SUN5: variants seen among roughly 807,000 people sequenced by gnomAD.
SUN5 encodes Sad1 and UNC84 domain containing 5.
A neutral mutation model predicts 53.7 loss-of-function variants in SUN5; 44 were observed. That is an observed-to-expected ratio of 0.82 (90% CI 0.64 to 1.05). The LOEUF (loss-of-function observed/expected upper bound fraction) is 1.05, where lower values mean the gene tolerates loss of function less well. Ranked by LOEUF, SUN5 falls within the 50% of genes least tolerant of loss-of-function variation. The pLI is 0.00. For missense variants in SUN5, 433 were observed against 483.8 expected, an observed-to-expected ratio of 0.90 and a Z score of 0.98; for synonymous variants, 166 against 179.8, an observed-to-expected ratio of 0.92 and a Z score of 0.62.
chr20:32,989,092 AT>A (rs1295465216), intron 9 of SUN5, among the ~76,000 whole-genome samples: 3 of 151,510 alleles, frequency 2.0e-5, no homozygotes, highest in African/African-American at 4.9e-5. Flanking sequence ...CGCTCAGCTA[AT>A]TTTTTGTATT....
chr20:32,996,270 G>T, intron 7 of SUN5, 54 bp downstream of exon 7: 2 of 1,583,504 alleles, frequency 1.3e-6, no homozygotes, highest in Admixed American at 1.7e-5. Flanking sequence ...CCAGATTCTG[G>T]CTATAGCTCT....
chr20:32,987,658 G>C lies in SUN5; in HGVS notation c.729+2C>G. ...TGTCCCATCTCCCGCCATCCCCCCT[G>C]CCTCAAGGATCACGTCTGGGGGCTG... On this transcript the variant is annotated splice_donor_variant, in intron 10 of 12. Coordinates refer to ENST00000356173, the MANE Select transcript of SUN5 (RefSeq NM_080675.4). LOFTEE classifies it high-confidence loss of function. 1 of 1,600,104 alleles carries C rather than the reference G, an allele frequency of 6.2e-7. No individual in the cohort carries two copies. Among genetic ancestry groups the C allele is most frequent in the Non-Finnish European group, 8.5e-7 (1 of 1,173,530 alleles).
At chr20:33,002,552 T>C in intron 3 of SUN5, 35 bp downstream of exon 3, 1 of 1,609,294 alleles carries the variant, frequency 6.2e-7, no homozygotes, top group East Asian at 2.2e-5. Context: ...CAGACCCATA[T>C]TGATGACGAA....
chr20:33,001,186 A>C, intron 4 of SUN5, 26 bp downstream of exon 4: 1 of 1,559,572 alleles, frequency 6.4e-7, no homozygotes, highest in South Asian at 1.2e-5. Context: ...CTCCCCATCC[A>C]CCCTCCCCCT....
At chr20:32,995,563 C>A in intron 8 of SUN5, 56 bp downstream of exon 8, 1 of 1,475,344 alleles carries the variant, frequency 6.8e-7, no homozygotes, top group Non-Finnish European at 9.5e-7. Flanking sequence ...GTATAGGAAA[C>A]AGGACATCAA....
chr20:32,998,852 C>CA lies in SUN5; in HGVS notation c.341-1166dup, dbSNP rs141684056. ...GCAACACAACAAGACTCAATCTCTCCAAAAAAAAAAAAATTTAAACAAAAA... is the reference window on the plus strand; with the variant it reads ...GCAACACAACAAGACTCAATCTCTCCAAAAAAAAAAAAAATTTAAACAAAAA... On this transcript the variant is annotated intron_variant, in intron 5 of 12. Transcript: ENST00000356173. Among the ~76,000 whole-genome samples the CA allele has an allele frequency of 2.4e-3, 337 of 141,584 alleles. 1 individual carries two copies. Among genetic ancestry groups the CA allele is most frequent in the South Asian group, 4.3e-3 (19 of 4,470 alleles). 92.9% of individuals were successfully genotyped at this position (141,584 alleles called of 152,430 possible). A position where few individuals can be genotyped will look rare whatever the true frequency, so the allele number is the denominator to read the frequency against.
At chr20:32,987,880 G>A in intron 9 of SUN5, 105 bp from the exon 10 acceptor site, 1 of 784,842 alleles carries the variant, frequency 1.3e-6, no homozygotes, top group Non-Finnish European at 2.1e-6. Context: ...TTTTGGATGA[G>A]TCACTGGCCC....
intron 9 of SUN5, 63 bp from the exon 10 acceptor site, chr20:32,987,838 C>A: frequency 7.6e-7 from 1 of 1,313,124 alleles, no homozygotes; most frequent in South Asian, 1.3e-5. Flanking sequence ...GGGGACGCCA[C>A]TGATGGGCCC....
chr20:33,001,944 G>A (rs889432322), intron 3 of SUN5, among the ~76,000 whole-genome samples: 4 of 152,144 alleles, frequency 2.6e-5, no homozygotes, highest in Admixed American at 6.5e-5. Context: ...GAGCCACTGC[G>A]CTTGGCCAAT....
chr20:32,995,850 C>A (rs1989833665), intron 7 of SUN5, 123 bp from the exon 8 acceptor site: 5 of 836,958 alleles, frequency 6.0e-6, no homozygotes. Flanking sequence ...ATCTCTTGGG[C>A]CCATCCCTGG....
chr20:32,987,571 C>A, intron 10 of SUN5, 89 bp downstream of exon 10: 1 of 1,079,824 alleles, frequency 9.3e-7, no homozygotes. Flanking sequence ...CCTTTGCTCC[C>A]ACCCCCTACC....
Position 32,985,780 on chromosome 20 carries a change from A to T in SUN5, c.853T>A (p.Leu285Met). The change falls in exon 11 of 13, where the codon TTG (leucine) becomes ATG (methionine). Residue 285 changes from leucine to methionine, a missense_variant. Leu to Met is a conservative substitution (Grantham distance 15). Transcript: ENST00000356173. Reference sequence around the variant, plus strand: ...GGGGCGGTGTCCAGGCTGCCTGACAATGAGATGGTCTTGGGGATGTGCTGC... The same window carrying T: ...GGGGCGGTGTCCAGGCTGCCTGACATTGAGATGGTCTTGGGGATGTGCTGC... ...TLQHIPKTIS[L>M]SGSLDTAPKD... The T allele has an allele frequency of 6.2e-7, 1 of 1,614,094 alleles. No individual in the cohort carries two copies. Among genetic ancestry groups the T allele is most frequent in the Non-Finnish European group, 8.5e-7 (1 of 1,179,970 alleles).
Position 33,004,244 on chromosome 20 carries a change from G to A in SUN5, c.77+20C>T, listed in dbSNP as rs1478057481. ...GTAAACTGTAAAGGGCTGGGCAAAGGGAGGGGCTGCCATCCTCACCTCCGG... is the reference window on the plus strand; with the variant it reads ...GTAAACTGTAAAGGGCTGGGCAAAGAGAGGGGCTGCCATCCTCACCTCCGG... On this transcript the variant is annotated intron_variant, in intron 1 of 12. Coordinates refer to ENST00000356173, the MANE Select transcript of SUN5 (RefSeq NM_080675.4). The A allele has an allele frequency of 3.9e-6, 6 of 1,548,654 alleles. No homozygotes were observed. The highest frequency in any genetic ancestry group is 5.2e-6 in the Non-Finnish European group (6 of 1,146,418).
At chr20:33,001,630 T>C (rs1407461027) in intron 3 of SUN5, among the ~76,000 whole-genome samples, 24 of 135,682 alleles carry the variant, frequency 1.8e-4, no homozygotes, top group South Asian at 1.2e-3. Context: ...TTTTCTTTTC[T>C]TTCTTTCTTT....
intron 8 of SUN5, among the ~76,000 whole-genome samples, chr20:32,991,161 G>T (rs191566492): frequency 6.6e-6 from 1 of 152,274 alleles, no homozygotes; most frequent in East Asian, 1.9e-4. Context: ...CTGCCCCAAG[G>T]CTGAGTGCAG....
intron 4 of SUN5, among the ~76,000 whole-genome samples, chr20:33,000,537 C>T (rs1323490689): frequency 6.6e-6 from 1 of 152,196 alleles, no homozygotes; most frequent in East Asian, 1.9e-4. Flanking sequence ...AAGAATGGGG[C>T]AGGCCCTCCA....
chr20:32,995,130 G>T (rs1366323183), intron 8 of SUN5, among the ~76,000 whole-genome samples: 2 of 152,186 alleles, frequency 1.3e-5, no homozygotes, highest in Non-Finnish European at 2.9e-5. Flanking sequence ...AATATTTTAA[G>T]AGATAAAAGG....
rs370382108 is a variant in SUN5 at position 33,001,285 on chromosome 20, G to A, written c.212-7C>T. On this transcript the variant is annotated splice_polypyrimidine_tract_variant and splice_region_variant and intron_variant, in intron 3 of 12. Transcript: ENST00000356173. The stretch of plus-strand genomic sequence containing the variant: ...GCAAAACAGGTGAACCAGGCTGCAC[G>A]GGAGACAGAAAAGCAGTGACTCACT... 2.5e-5 allele frequency: 39 copies of A among 1,569,496 alleles called. No individual in the cohort carries two copies. The highest frequency in any genetic ancestry group is 3.7e-5 in the Admixed American group (2 of 54,670).
chr20:32,991,019 T>C (rs563637741), intron 8 of SUN5, among the ~76,000 whole-genome samples: 1 of 152,286 alleles, frequency 6.6e-6, no homozygotes, highest in East Asian at 1.9e-4. Context: ...CTGCCTGAGG[T>C]TACACAGCTC....
Sources: gnomAD v4.1 joint callset for allele counts (sites outside exome capture counted in the v4.1 genomes callset) on GRCh38, gnomAD v4.1.1 for gene constraint, MANE v1.5 for transcripts, NCBI Gene and HGNC (gene_info 2026-07-23, HGNC 2026-07-21) for gene names.